The following ZNF677 variants were observed in gnomAD, a reference collection of about 807,000 sequenced individuals.
ZNF677 encodes zinc finger protein 677.
A neutral mutation model predicts 8.1 loss-of-function variants in ZNF677; 5 were observed. The observed-to-expected ratio is 0.62, with a 90% CI of 0.32 to 1.29. ZNF677 has a LOEUF of 1.29. Ranked by LOEUF, ZNF677 falls within the 50% of genes most tolerant of loss-of-function variation. ZNF677 has a pLI of 0.05. For synonymous variants in ZNF677, 221 were observed against 225.6 expected (o/e 0.98, Z 0.18); for missense variants, 685 against 685.9 (o/e 1.00, Z 0.01).
chr19:53,238,056 G>A lies in ZNF677; in HGVS notation c.671C>T (p.Ser224Phe), dbSNP rs746395202. The A allele has an allele frequency of 2.2e-5, 35 of 1,613,800 alleles. No individual in the cohort carries two copies. The highest frequency in any genetic ancestry group is 2.7e-5 in the African/African-American group (2 of 74,890). ...CNPVEKSINS[S>F]SVSPLPPCVK... is the part of the protein sequence containing the mutation. Reference sequence around the variant, plus strand: ...ACAAGGAGGAAGTGGTGAAACTGAGGAACTATTGATAGACTTCTCAACTGG... The same window carrying A: ...ACAAGGAGGAAGTGGTGAAACTGAGAAACTATTGATAGACTTCTCAACTGG... The change falls in exon 5 of 5, where the codon TCC becomes TTC. Residue 224 changes from serine to phenylalanine, a missense_variant. Transcript: ENST00000598513.
At position 53,251,570 on chromosome 19, in the gene ZNF677, C is replaced by G. The variant is rs201268025; in HGVS notation, c.-20G>C. The G allele has an allele frequency of 6.2e-7, 1 of 1,613,816 alleles. No individual in the cohort carries two copies. The highest frequency in any genetic ancestry group is 8.5e-7 in the Non-Finnish European group (1 of 1,179,850). ...AGCCATTCCCTCCTCTTCTTTCTTT[C>G]CTCTTCCTCTGAGTTTCTTTCTCAG... On this transcript the variant is annotated 5_prime_UTR_variant, in exon 3 of 5. Coordinates refer to ENST00000598513, the MANE Select transcript of ZNF677 (RefSeq NM_182609.4).
In ZNF677 at chr19:53,237,820, A is replaced by T. The variant is rs757161409; in HGVS notation, c.907T>A (p.Cys303Ser). Residue 303 changes from cysteine to serine, a missense_variant, in exon 5 of 5, where the codon TGT (cysteine) becomes AGT (serine). Cys to Ser is a moderately radical substitution (Grantham distance 112). Transcript: ENST00000598513. ...CTCTGATGCCTAGTGAGGTTCGAACACTGGTTAAAGGCTTTGCCACACTCG... is the reference window on the plus strand; with the variant it reads ...CTCTGATGCCTAGTGAGGTTCGAACTCTGGTTAAAGGCTTTGCCACACTCG... ...CNECGKAFNQ[C>S]SNLTRHQRVH... 1 of 1,612,972 alleles carries T rather than the reference A, an allele frequency of 6.2e-7. No homozygotes were observed. The highest frequency in any genetic ancestry group is 8.5e-7 in the Non-Finnish European group (1 of 1,179,446).
chr19:53,239,042 G>T (rs144711339), intron 4 of ZNF677: 1 of 152,180 alleles, frequency 6.6e-6, no homozygotes, highest in African/African-American at 2.4e-5. Flanking sequence ...GAAAAAATTC[G>T]GAAGAATTTA....
At chr19:53,246,696 A>G (rs1037316703) in intron 3 of ZNF677, among the ~76,000 whole-genome samples, 2 of 152,208 alleles carry the variant, frequency 1.3e-5, no homozygotes, top group African/African-American at 4.8e-5. Context: ...ACTCATAGAA[A>G]CAGAGAATAG....
At position 53,237,452 on chromosome 19, in the gene ZNF677, A is replaced by G; in HGVS notation, c.1275T>C (p.His425=). ...CSHLTRHQNI[H]PGEKPHKCNV... ...TACATTTGTGTGGTTTCTCTCCAGGATGTATATTCTGATGCCTAGTGAGAT... is the reference window on the plus strand; with the variant it reads ...TACATTTGTGTGGTTTCTCTCCAGGGTGTATATTCTGATGCCTAGTGAGAT... Residue 425 remains histidine, a synonymous_variant, in exon 5 of 5, where the codon CAT becomes CAC. Transcript: ENST00000598513. 3 of 1,613,876 alleles carry G rather than the reference A, an allele frequency of 1.9e-6. No individual in the cohort carries two copies. Among genetic ancestry groups the G allele is most frequent in the Non-Finnish European group, 2.5e-6 (3 of 1,179,958 alleles).
intron 2 of ZNF677, among the ~76,000 whole-genome samples, 185 bp downstream of exon 2, chr19:53,252,901 T>C (rs1411784674): frequency 6.6e-6 from 1 of 152,190 alleles, no homozygotes; most frequent in African/African-American, 2.4e-5. Context: ...GGTATAACTT[T>C]TGATTTCCCA....
rs1568688776 is a variant in ZNF677 at position 53,237,974 on chromosome 19, T to C, written c.753A>G (p.Thr251=). 2 of 1,612,684 alleles carry C rather than the reference T, an allele frequency of 1.2e-6. No homozygotes were observed. The highest frequency in any genetic ancestry group is 1.7e-6 in the Non-Finnish European group (2 of 1,179,858). Residue 251 remains threonine (T), a synonymous_variant, in exon 5 of 5, where the codon ACA becomes ACG. Transcript: ENST00000598513. ...RKILKYPLLH[T]QYGRTHIREK... is the part of the protein sequence containing the mutation. ...CTCTAATGTGTGTTCTCCCATACTG[T>C]GTATGTAATAAAGGGTATTTCAAAA...
At position 53,237,186 on chromosome 19, in the gene ZNF677, G is replaced by A. The variant is rs1282567621; in HGVS notation, c.1541C>T (p.Pro514Leu). ...QHKKIHTGEKPYKCTECGKAF... is the reference protein window; with the variant it reads ...QHKKIHTGEKLYKCTECGKAF... The stretch of plus-strand genomic sequence containing the variant: ...TTTGCCACATTCAGTACATTTGTAA[G>A]GTTTCTCTCCAGTATGGATTTTCTT... Residue 514 changes from proline to leucine, a missense_variant, in exon 5 of 5, where the codon CCT (proline) becomes CTT (leucine). Physicochemically the swap from Pro to Leu is moderately conservative, Grantham distance 98. Coordinates refer to ENST00000598513, the MANE Select transcript of ZNF677 (RefSeq NM_182609.4). 3 of 1,612,904 alleles carry A rather than the reference G, an allele frequency of 1.9e-6. No individual in the cohort carries two copies. In the Admixed American group the frequency reaches 5.0e-5, roughly 27 times the overall value.
intron 1 of ZNF677, among the ~76,000 whole-genome samples, chr19:53,253,517 C>T (rs2091266908): frequency 6.6e-6 from 1 of 152,082 alleles, no homozygotes; most frequent in Non-Finnish European, 1.5e-5. Context: ...GTGAAAATCC[C>T]GTCTCTGCTA....
intron 4 of ZNF677, chr19:53,239,116 T>C (rs1427447876): frequency 6.6e-6 from 1 of 152,272 alleles, no homozygotes. Flanking sequence ...CTTACACCCA[T>C]GTAGAATGTG....
intron 1 of ZNF677, among the ~76,000 whole-genome samples, chr19:53,254,203 C>A (rs1196362717): frequency 1.3e-5 from 2 of 151,952 alleles, no homozygotes; most frequent in Non-Finnish European, 2.9e-5. Context: ...TTGGGTGCCC[C>A]CCCCTTTCTC....
Position 53,238,541 on chromosome 19 carries a change from A to G in ZNF677, c.186T>C (p.Phe62=). 2 of 1,565,880 alleles carry G rather than the reference A, an allele frequency of 1.3e-6. No homozygotes were observed. ...IPPEDDISVG[F]TSKGLSPKEN... The stretch of plus-strand genomic sequence containing the variant: ...CCTTTGGTGATAATCCCTTGCTTGT[A>G]AATCCAACAGAAATATCTGAAAGAT... The change falls in exon 5 of 5, where the codon TTT becomes TTC. Residue 62 remains phenylalanine, a synonymous_variant. Coordinates refer to ENST00000598513, the MANE Select transcript of ZNF677 (RefSeq NM_182609.4).
chr19:53,245,879 G>A (rs978158285), intron 3 of ZNF677, among the ~76,000 whole-genome samples: 1 of 152,228 alleles, frequency 6.6e-6, no homozygotes, highest in South Asian at 2.1e-4. Context: ...AGACGTGGTG[G>A]TGGGCGCCTG....
chr19:53,241,001 A>G (rs2091041468), intron 4 of ZNF677: 1 of 152,156 alleles, frequency 6.6e-6, no homozygotes, highest in African/African-American at 2.4e-5. Context: ...TAGAAAGTCT[A>G]TTTTTAAAAA....
intron 3 of ZNF677, among the ~76,000 whole-genome samples, chr19:53,247,595 C>A (rs2091166328): frequency 6.6e-6 from 1 of 152,168 alleles, no homozygotes; most frequent in South Asian, 2.1e-4. Flanking sequence ...GCATAGAATT[C>A]TCCAACTATT....
At chr19:53,240,741 T>C (rs1480495238) in intron 4 of ZNF677, 1 of 152,246 alleles carries the variant, frequency 6.6e-6, no homozygotes, top group African/African-American at 2.4e-5. Context: ...GTAATTATTC[T>C]GTAAGATACT....
In ZNF677 at chr19:53,237,052, C is replaced by T; in HGVS notation, c.1675G>A (p.Gly559Arg). 3 of 1,607,930 alleles carry T rather than the reference C, an allele frequency of 1.9e-6. No homozygotes were observed. The highest frequency in any genetic ancestry group is 2.2e-5 in the South Asian group (2 of 89,386). ...GNALFQSSNL[G>R]DHQKSYNREK... The stretch of plus-strand genomic sequence containing the variant: ...CTATTATAACTTTTTTGATGATCTC[C>T]AAGGTTTGAACTTTGGAATAAAGCA... The change falls in exon 5 of 5, where the codon GGA becomes AGA. Residue 559 changes from glycine (G) to arginine (R), a missense_variant. Gly to Arg is a moderately radical substitution (Grantham distance 125). Transcript: ENST00000598513.
chr19:53,236,047 A>G lies in ZNF677; in HGVS notation c.*925T>C, dbSNP rs1287421223. 1 of 152,150 alleles carries G rather than the reference A, an allele frequency of 6.6e-6. No homozygotes were observed. The highest frequency in any genetic ancestry group is 1.5e-5 in the Non-Finnish European group (1 of 68,092). 9.4% of individuals were successfully genotyped at this position (152,150 alleles called of 1,614,324 possible). On this transcript the variant is annotated 3_prime_UTR_variant, in exon 5 of 5. Transcript: ENST00000598513. ...CTACTAAAAATACAAAAACAAAAAA[A>G]CAAAAAACTAGCCAGGCATGATGGC...
At chr19:53,240,161 T>C (rs2091026309) in intron 4 of ZNF677, 1 of 152,262 alleles carries the variant, frequency 6.6e-6, no homozygotes, top group African/African-American at 2.4e-5. Context: ...AGTCATTCTT[T>C]ACACAGTGTG....
Sources: gnomAD v4.1 joint callset for allele counts (sites outside exome capture counted in the v4.1 genomes callset) on GRCh38, gnomAD v4.1.1 for gene constraint, MANE v1.5 for transcripts, NCBI Gene and HGNC (gene_info 2026-07-23, HGNC 2026-07-21) for gene names.